The following EEFSEC variants were observed in gnomAD, a reference collection of about 807,000 sequenced individuals.
EEFSEC encodes eukaryotic elongation factor, selenocysteine-tRNA specific.
Under a neutral mutation model 42.1 loss-of-function variants are expected in EEFSEC, and 43 were observed. That is an observed-to-expected ratio of 1.02 (90% CI 0.80 to 1.32). The LOEUF (loss-of-function observed/expected upper bound fraction) is 1.32, where lower values mean the gene tolerates loss of function less well. Among genes scored for constraint, EEFSEC ranks in the 40% most tolerant of loss-of-function variants. The pLI is 0.00. For synonymous variants in EEFSEC, 354 were observed against 339.1 expected (o/e 1.04, Z -0.48); for missense variants, 745 against 803.6 (o/e 0.93, Z 0.88).
At chr3:128,289,050 A>G (rs1338783394) in intron 4 of EEFSEC, among the ~76,000 whole-genome samples, 1 of 152,178 alleles carries the variant, frequency 6.6e-6, no homozygotes, top group East Asian at 1.9e-4. Context: ...AGCTACAGGG[A>G]TATGTACCAG....
intron 1 of EEFSEC, among the ~76,000 whole-genome samples, chr3:128,178,912 A>G (rs1312436312): frequency 6.6e-5 from 10 of 152,244 alleles, no homozygotes; most frequent in African/African-American, 2.2e-4. Context: ...AAAAGATTCA[A>G]TCAAGTATTT....
At chr3:128,220,062 T>C (rs574594230) in intron 1 of EEFSEC, among the ~76,000 whole-genome samples, 83 of 152,202 alleles carry the variant, frequency 5.5e-4, no homozygotes, top group Non-Finnish European at 1.0e-3. Flanking sequence ...CACAACTCCA[T>C]GTGGTAGCAC....
At chr3:128,399,079 T>A (rs539632613) in intron 6 of EEFSEC, among the ~76,000 whole-genome samples, 2 of 70,312 alleles carry the variant, frequency 2.8e-5, no homozygotes, top group African/African-American at 9.3e-5. Flanking sequence ...CCTTAAAAAA[T>A]AAATAAATAA....
chr3:128,379,126 G>A (rs894140314), intron 6 of EEFSEC, among the ~76,000 whole-genome samples: 7 of 152,196 alleles, frequency 4.6e-5, no homozygotes, highest in Non-Finnish European at 8.8e-5. Context: ...CGGCAGCTCT[G>A]AAACCTAATC....
chr3:128,290,729 GT>G (rs1054335493), intron 4 of EEFSEC, among the ~76,000 whole-genome samples: 1 of 151,868 alleles, frequency 6.6e-6, no homozygotes, highest in East Asian at 1.9e-4. Flanking sequence ...ATGTTTTATC[GT>G]TTTTTGGGGT....
At chr3:128,385,140 C>G (rs2067823569) in intron 6 of EEFSEC, among the ~76,000 whole-genome samples, 1 of 152,252 alleles carries the variant, frequency 6.6e-6, no homozygotes, top group Non-Finnish European at 1.5e-5. Context: ...GAGAAAGTCC[C>G]CAGGCCACCC....
At chr3:128,313,902 G>A (rs1305624166) in intron 4 of EEFSEC, among the ~76,000 whole-genome samples, 1 of 152,200 alleles carries the variant, frequency 6.6e-6, no homozygotes, top group East Asian at 1.9e-4. Flanking sequence ...CTCCTAGGCA[G>A]CCACTGCTGC....
At chr3:128,318,626 C>A (rs1576633302) in intron 4 of EEFSEC, among the ~76,000 whole-genome samples, 1 of 152,362 alleles carries the variant, frequency 6.6e-6, no homozygotes, top group African/African-American at 2.4e-5. Context: ...AGACTGCGGA[C>A]TGCTGTCCCT....
In EEFSEC at chr3:128,341,853, G is replaced by A. The variant is rs1411515454; in HGVS notation, c.1407G>A (p.Val469=). 2 of 1,613,670 alleles carry A rather than the reference G, an allele frequency of 1.2e-6. No individual in the cohort carries two copies. The highest frequency in any genetic ancestry group is 1.3e-5 in the African/African-American group (1 of 74,948). The part of the protein sequence containing the change: ...YADSFLPRLK[V]YKLKHKHGLV... ...ACAGCTTCCTGCCCAGGCTGAAGGT[G>A]TACAAGCTGAAGCACAAGCATGGCC... The change falls in exon 5 of 7, where the codon GTG becomes GTA. Residue 469 remains valine (V), a synonymous_variant. Transcript: ENST00000254730.
chr3:128,305,379 A>C (rs1161361395), intron 4 of EEFSEC, among the ~76,000 whole-genome samples: 1 of 152,170 alleles, frequency 6.6e-6, no homozygotes, highest in East Asian at 1.9e-4. Context: ...TTAGTATGCT[A>C]GCCTCACAAA....
chr3:128,381,217 T>G (rs1241144906), intron 6 of EEFSEC, among the ~76,000 whole-genome samples: 1 of 152,186 alleles, frequency 6.6e-6, no homozygotes, highest in Non-Finnish European at 1.5e-5. Context: ...CCCTTGGGTT[T>G]GAATGGACCA....
intron 2 of EEFSEC, among the ~76,000 whole-genome samples, chr3:128,252,662 A>G (rs1371378831): frequency 6.6e-6 from 1 of 152,196 alleles, no homozygotes; most frequent in Admixed American, 6.5e-5. Context: ...TTTATACTCT[A>G]TTTGTTTATA....
At chr3:128,365,643 A>G (rs1054392355) in intron 6 of EEFSEC, among the ~76,000 whole-genome samples, 4 of 151,828 alleles carry the variant, frequency 2.6e-5, no homozygotes, top group Admixed American at 6.6e-5. Context: ...GCCTCACTTT[A>G]TCCTCCCACC....
At chr3:128,297,755 A>C (rs1270156185) in intron 4 of EEFSEC, among the ~76,000 whole-genome samples, 2 of 76,810 alleles carry the variant, frequency 2.6e-5, no homozygotes, top group African/African-American at 7.8e-5. Context: ...TGAAAAATTG[A>C]AAATATCAAC....
At chr3:128,263,827 C>G (rs1050878956) in intron 3 of EEFSEC, among the ~76,000 whole-genome samples, 1 of 152,222 alleles carries the variant, frequency 6.6e-6, no homozygotes, top group Non-Finnish European at 1.5e-5. Flanking sequence ...TGAGGAGAAT[C>G]GGCTGGTGAG....
chr3:128,170,720 T>C (rs1014146940), intron 1 of EEFSEC, among the ~76,000 whole-genome samples: 2 of 152,222 alleles, frequency 1.3e-5, no homozygotes, highest in African/African-American at 2.4e-5. Context: ...AGAATCTCTT[T>C]TCCTGGCAAA....
chr3:128,209,982 A>G (rs2065739473), intron 1 of EEFSEC, among the ~76,000 whole-genome samples: 1 of 152,252 alleles, frequency 6.6e-6, no homozygotes, highest in African/African-American at 2.4e-5. Context: ...GTGGGGAACC[A>G]CTGAAGGCTT....
intron 4 of EEFSEC, 114 bp from the exon 5 acceptor site, chr3:128,341,119 C>T: frequency 2.3e-6 from 3 of 1,318,732 alleles, no homozygotes; most frequent in Non-Finnish European, 3.1e-6. Flanking sequence ...GGCTGGTCCT[C>T]ACGGTGCCTG....
intron 6 of EEFSEC, 122 bp from the exon 7 acceptor site, chr3:128,407,947 A>G (rs1408447535): frequency 5.4e-6 from 5 of 929,934 alleles, no homozygotes; most frequent in South Asian, 3.5e-5. Context: ...CACAGGCCTC[A>G]GGGCTGATTG....
Sources: gnomAD v4.1 joint callset for allele counts (sites outside exome capture counted in the v4.1 genomes callset) on GRCh38, gnomAD v4.1.1 for gene constraint, MANE v1.5 for transcripts, NCBI Gene and HGNC (gene_info 2026-07-23, HGNC 2026-07-21) for gene names.